Variants in LRP1B observed in about 807,000 individuals in gnomAD.
LRP1B encodes low-density lipoprotein receptor-related protein 1B.
In LRP1B, 217 loss-of-function variants were observed where a neutral mutation model predicts 556.6. The ratio of observed to expected loss-of-function variants is 0.39; its 90% CI spans 0.35 to 0.44. The LOEUF is 0.44. Among genes scored for constraint, LRP1B ranks in the 20% least tolerant of loss-of-function variants. The pLI is 1.00. For missense variants in LRP1B, 5,053 were observed against 5,620.8 expected (o/e 0.90, Z 3.23); for synonymous variants, 2,047 against 1,865.8 (o/e 1.10, Z -2.50).
At chr2:140,372,255 T>G in intron 69 of LRP1B, among the ~76,000 whole-genome samples, 1 of 152,054 alleles carries the variant, frequency 6.6e-6, no homozygotes, top group East Asian at 1.9e-4. Context: ...AGGAGTCTAA[T>G]AACATGTCTG....
intron 2 of LRP1B, among the ~76,000 whole-genome samples, chr2:141,568,512 T>C (rs1264833202): frequency 1.3e-5 from 2 of 151,040 alleles, no homozygotes; most frequent in African/African-American, 2.4e-5. Context: ...AGTATATCCA[T>C]CAGAATTCGG....
intron 1 of LRP1B, among the ~76,000 whole-genome samples, chr2:141,925,994 T>A (rs893807648): frequency 1.3e-5 from 2 of 152,218 alleles, no homozygotes; most frequent in Non-Finnish European, 2.9e-5. Flanking sequence ...ATAGGTTTTA[T>A]ACATTGTAGT....
chr2:141,260,266 C>T (rs1558966208), intron 3 of LRP1B, among the ~76,000 whole-genome samples: 1 of 152,178 alleles, frequency 6.6e-6, no homozygotes, highest in Non-Finnish European at 1.5e-5. Flanking sequence ...TGTACATCCA[C>T]ATTGAATTTG....
intron 1 of LRP1B, among the ~76,000 whole-genome samples, chr2:141,813,964 C>T (rs1343613099): frequency 6.6e-6 from 1 of 151,960 alleles, no homozygotes; most frequent in East Asian, 1.9e-4. Context: ...GGTCTATGAG[C>T]CATTTTTGAA....
chr2:140,270,750 G>C lies in LRP1B; in HGVS notation c.13143-404C>G, dbSNP rs530789780. Among the ~76,000 whole-genome samples the C allele has an allele frequency of 2.0e-5, 3 of 151,986 alleles. No homozygotes were observed. The South Asian group carries it at 6.2e-4, about 32-fold the overall frequency. Reference sequence around the variant, plus strand: ...ACATGATCAAGTACTCTGGAAAAACGTGCTTTAGCTTTTCTTCTAAAGTGG... The same window carrying C: ...ACATGATCAAGTACTCTGGAAAAACCTGCTTTAGCTTTTCTTCTAAAGTGG... On this transcript the variant is annotated intron_variant, in intron 85 of 90. Coordinates refer to ENST00000389484, the MANE Select transcript of LRP1B (RefSeq NM_018557.3).
intron 1 of LRP1B, among the ~76,000 whole-genome samples, chr2:142,052,510 G>A (rs1338951158): frequency 6.6e-6 from 1 of 152,078 alleles, no homozygotes; most frequent in Admixed American, 6.6e-5. Context: ...TTAATTGTGT[G>A]CATTACTTTT....
At chr2:141,647,479 T>C (rs1689616959) in intron 2 of LRP1B, among the ~76,000 whole-genome samples, 1 of 152,194 alleles carries the variant, frequency 6.6e-6, no homozygotes, top group Non-Finnish European at 1.5e-5. Flanking sequence ...GGTGAATTTG[T>C]TTACAAACTT....
intron 6 of LRP1B, among the ~76,000 whole-genome samples, chr2:141,201,593 TATATTC>T: frequency 6.6e-6 from 1 of 152,112 alleles, no homozygotes; most frequent in Non-Finnish European, 1.5e-5. Context: ...AAGTTATTAT[TATATTC>T]ATATAATTAT....
chr2:141,421,528 C>CAA (rs34839214), intron 3 of LRP1B, among the ~76,000 whole-genome samples: 4,581 of 138,128 alleles, frequency 0.033, 162 homozygotes, highest in South Asian at 0.046. Flanking sequence ...GACTCTGTCT[C>CAA]AAAAAAAAAA....
chr2:141,567,317 G>T (rs939736935), intron 2 of LRP1B, among the ~76,000 whole-genome samples: 2 of 151,980 alleles, frequency 1.3e-5, no homozygotes, highest in Non-Finnish European at 2.9e-5. Context: ...ATATAAAATT[G>T]TTAAGGAAAG....
chr2:141,918,876 T>C (rs1465060647), intron 1 of LRP1B, among the ~76,000 whole-genome samples: 1 of 152,124 alleles, frequency 6.6e-6, no homozygotes, highest in Non-Finnish European at 1.5e-5. Context: ...AGTGGTTTGC[T>C]TGGGGTACAA....
At chr2:140,740,897 T>C (rs1397328562) in intron 35 of LRP1B, among the ~76,000 whole-genome samples, 1 of 152,076 alleles carries the variant, frequency 6.6e-6, no homozygotes, top group East Asian at 1.9e-4. Context: ...TTTACCTTAA[T>C]TACATCTCAA....
At chr2:141,457,185 G>A (rs1355479993) in intron 3 of LRP1B, among the ~76,000 whole-genome samples, 2 of 152,202 alleles carry the variant, frequency 1.3e-5, no homozygotes, top group Non-Finnish European at 2.9e-5. Flanking sequence ...TTGGTGACAT[G>A]TTTTGGGTCA....
At chr2:141,416,719 T>C (rs1691122252) in intron 3 of LRP1B, among the ~76,000 whole-genome samples, 1 of 152,156 alleles carries the variant, frequency 6.6e-6, no homozygotes, top group South Asian at 2.1e-4. Context: ...CCTCCCAAAG[T>C]AGACAGCTAT....
intron 2 of LRP1B, among the ~76,000 whole-genome samples, chr2:141,553,892 ATC>A (rs1685853799): frequency 8.9e-6 from 1 of 112,306 alleles, no homozygotes. Flanking sequence ...TATATAATAT[ATC>A]TATATTAATA....
intron 8 of LRP1B, among the ~76,000 whole-genome samples, chr2:141,060,307 T>G (rs1473392390): frequency 6.6e-6 from 1 of 151,776 alleles, no homozygotes; most frequent in East Asian, 1.9e-4. Context: ...GGAGAACTAT[T>G]CCATGTTATA....
At chr2:141,490,369 T>TTGTGTGTGTGTGTGTGTGTGTGTGTGTG (rs557540972) in intron 2 of LRP1B, among the ~76,000 whole-genome samples, 1 of 108,566 alleles carries the variant, frequency 9.2e-6, no homozygotes, top group Admixed American at 9.2e-5. Flanking sequence ...TAAAATAGCC[T>TTGTGTGTGTGTGTGTGTGTGTGTGTGTG]CGTGTGTGTG....
chr2:140,932,956 TATACAC>T (rs1036178086), intron 20 of LRP1B, among the ~76,000 whole-genome samples: 9 of 151,074 alleles, frequency 6.0e-5, no homozygotes, highest in African/African-American at 1.7e-4. Context: ...CACATATACA[TATACAC>T]ATATATATGT....
intron 7 of LRP1B, among the ~76,000 whole-genome samples, chr2:141,082,288 A>G (rs1427958139): frequency 1.3e-5 from 2 of 152,340 alleles, no homozygotes; most frequent in East Asian, 3.9e-4. Flanking sequence ...TTGGCAGACA[A>G]ATGTCATGTG....
Sources: allele counts gnomAD v4.1 joint callset (sites outside exome capture counted in the v4.1 genomes callset), GRCh38; gene constraint gnomAD v4.1.1; transcripts MANE v1.5; gene names NCBI Gene and HGNC (gene_info 2026-07-23, HGNC 2026-07-21).